BAZ2B: variants seen among roughly 807,000 people sequenced by gnomAD.
BAZ2B encodes the protein bromodomain adjacent to zinc finger domain 2B.
BAZ2B carries 91 observed loss-of-function variants against 246.0 expected under a neutral mutation model. The ratio of observed to expected loss-of-function variants is 0.37; its 90% confidence interval spans 0.31 to 0.44. The LOEUF is 0.44. BAZ2B is among the 20% of genes least tolerant of loss of function. The pLI, the probability that BAZ2B is intolerant of heterozygous loss-of-function variation, is 1.00. For synonymous variants in BAZ2B, 855 were observed against 860.0 expected (o/e 0.99, Z 0.10); for missense variants, 2,332 against 2,533.7 (o/e 0.92, Z 1.71).
Position 159,455,619 on chromosome 2 carries a change from G to A in BAZ2B, c.146-1818C>T, listed in dbSNP as rs201946432. 7.2e-5 allele frequency among the ~76,000 whole-genome samples: 11 copies of A among 152,136 alleles called. No homozygotes were observed. The East Asian group carries it at 2.1e-3, about 29-fold the overall frequency. On this transcript the variant is annotated intron_variant, in intron 3 of 36. Transcript: ENST00000392783. Reference sequence around the variant, plus strand: ...TCTAAATCAGCTAATCATTGTTTTTGTTGAATTGGTTCTTCTGTTTTATCA... The same window carrying A: ...TCTAAATCAGCTAATCATTGTTTTTATTGAATTGGTTCTTCTGTTTTATCA...
At chr2:159,492,413 C>G (rs1430850620) in intron 2 of BAZ2B, among the ~76,000 whole-genome samples, 2 of 152,200 alleles carry the variant, frequency 1.3e-5, no homozygotes, top group Admixed American at 1.3e-4. Flanking sequence ...TTATCACTGT[C>G]TCTTTCACTG....
At chr2:159,486,063 GATA>G (rs1310029516) in intron 2 of BAZ2B, among the ~76,000 whole-genome samples, 1 of 151,938 alleles carries the variant, frequency 6.6e-6, no homozygotes, top group African/African-American at 2.4e-5. Context: ...AGATATAAAA[GATA>G]ATAAGAGTTA....
At chr2:159,562,913 G>A (rs2090018873) in intron 1 of BAZ2B, among the ~76,000 whole-genome samples, 1 of 151,898 alleles carries the variant, frequency 6.6e-6, no homozygotes, top group South Asian at 2.1e-4. Flanking sequence ...CAGCAATCAA[G>A]ACAAACATAA....
chr2:159,346,279 T>C (rs1467202488), intron 31 of BAZ2B, among the ~76,000 whole-genome samples: 1 of 152,242 alleles, frequency 6.6e-6, no homozygotes, highest in East Asian at 1.9e-4. Flanking sequence ...AATGCCTATG[T>C]TAAACTAATT....
chr2:159,441,676 G>A (rs941389112), intron 6 of BAZ2B, among the ~76,000 whole-genome samples: 1 of 151,984 alleles, frequency 6.6e-6, no homozygotes, highest in Non-Finnish European at 1.5e-5. Context: ...ATGAGTCAGG[G>A]TCTCACTTTG....
At chr2:159,385,465 C>T (rs1242558909) in intron 22 of BAZ2B, 96 bp from the exon 23 acceptor site, 5 of 1,078,242 alleles carry the variant, frequency 4.6e-6, no homozygotes, top group East Asian at 2.6e-5. Flanking sequence ...GATTTAGATA[C>T]TACTGACAAG....
chr2:159,338,004 G>T (rs2065949683), intron 31 of BAZ2B, among the ~76,000 whole-genome samples: 1 of 152,074 alleles, frequency 6.6e-6, no homozygotes, highest in South Asian at 2.1e-4. Flanking sequence ...ATTATAAAAG[G>T]TATAAGAACA....
chr2:159,391,976 A>G (rs1419659348), intron 20 of BAZ2B: 1 of 152,294 alleles, frequency 6.6e-6, no homozygotes, highest in Admixed American at 6.5e-5. Flanking sequence ...AAAGAGCCAG[A>G]GCTTCCAAGG....
chr2:159,416,343 T>TA (rs1331801836), intron 13 of BAZ2B, among the ~76,000 whole-genome samples: 3 of 152,200 alleles, frequency 2.0e-5, no homozygotes, highest in Non-Finnish European at 4.4e-5. Context: ...CATAAGCCAC[T>TA]AAAAAGGAAG....
At chr2:159,456,225 C>G (rs900671447) in intron 3 of BAZ2B, among the ~76,000 whole-genome samples, 1 of 151,914 alleles carries the variant, frequency 6.6e-6, no homozygotes, top group Non-Finnish European at 1.5e-5. Flanking sequence ...TCTGCAATAA[C>G]TAACTGTAAT....
At chr2:159,467,826 T>C (rs1401805583) in intron 3 of BAZ2B, among the ~76,000 whole-genome samples, 2 of 152,162 alleles carry the variant, frequency 1.3e-5, no homozygotes, top group Non-Finnish European at 2.9e-5. Flanking sequence ...TCTGGACCAA[T>C]GGTTAACAAG....
intron 34 of BAZ2B, among the ~76,000 whole-genome samples, chr2:159,328,262 T>C (rs4575678): frequency 0.66 from 99,554 of 151,798 alleles, 34,068 homozygotes; most frequent in Admixed American, 0.76. Flanking sequence ...GGCAGGGCAT[T>C]CCCCCAACCC....
chr2:159,534,742 G>C (rs1403792551), intron 2 of BAZ2B, among the ~76,000 whole-genome samples: 3 of 152,032 alleles, frequency 2.0e-5, no homozygotes, highest in Admixed American at 2.0e-4. Context: ...GCGTAGCTGG[G>C]ACTACAGGCA....
chr2:159,337,056 T>A lies in BAZ2B; in HGVS notation c.5682A>T (p.Pro1894=). 1 of 1,613,400 alleles carries A rather than the reference T, an allele frequency of 6.2e-7. No individual in the cohort carries two copies. Among genetic ancestry groups the A allele is most frequent in the Non-Finnish European group, 8.5e-7 (1 of 1,179,398 alleles). The part of the protein sequence containing the change: ...IERRIEEDIA[P]GLRVWRRALS... ...ATGCCCTTCTCCATACCCTGAGCCCTGGAGCAATATCCTCTTCAATTCTGC... is the reference window on the plus strand; with the variant it reads ...ATGCCCTTCTCCATACCCTGAGCCCAGGAGCAATATCCTCTTCAATTCTGC... Residue 1894 remains proline (P), a synonymous_variant, in exon 33 of 37, where the codon CCA becomes CCT. Transcript: ENST00000392783.
At chr2:159,595,043 A>C (rs1690328300) in intron 1 of BAZ2B, among the ~76,000 whole-genome samples, 1 of 152,204 alleles carries the variant, frequency 6.6e-6, no homozygotes, top group Admixed American at 6.5e-5. Flanking sequence ...ATAATTATTC[A>C]ATGCGTAATA....
At chr2:159,487,581 G>A (rs535694952) in intron 2 of BAZ2B, among the ~76,000 whole-genome samples, 1 of 152,110 alleles carries the variant, frequency 6.6e-6, no homozygotes, top group Admixed American at 6.5e-5. Flanking sequence ...ATTTCCTCAT[G>A]GTGATCATAT....
intron 7 of BAZ2B, 35 bp from the exon 8 acceptor site, chr2:159,438,730 T>C (rs1345042369): frequency 6.5e-7 from 1 of 1,535,276 alleles, no homozygotes; most frequent in African/African-American, 1.4e-5. Context: ...GTTCCTAACA[T>C]CTATTAAGAC....
At chr2:159,539,545 G>A (rs1180261881) in intron 2 of BAZ2B, among the ~76,000 whole-genome samples, 3 of 152,158 alleles carry the variant, frequency 2.0e-5, no homozygotes, top group Non-Finnish European at 4.4e-5. Flanking sequence ...ATTAAACATG[G>A]TGGTGGAGGG....
chr2:159,570,514 T>C (rs1391915532), intron 1 of BAZ2B, among the ~76,000 whole-genome samples: 2 of 152,182 alleles, frequency 1.3e-5, no homozygotes, highest in African/African-American at 2.4e-5. Flanking sequence ...TTTCACAATA[T>C]AGAAGAAGAC....
Sources: allele counts gnomAD v4.1 joint callset (sites outside exome capture counted in the v4.1 genomes callset), GRCh38; gene constraint gnomAD v4.1.1; transcripts MANE v1.5; gene names NCBI Gene and HGNC (gene_info 2026-07-23, HGNC 2026-07-21).